Variants in DENND1A observed in about 807,000 individuals in gnomAD.
The protein encoded by DENND1A is DENN domain containing 1A.
A neutral mutation model predicts 113.7 loss-of-function variants in DENND1A; 51 were observed. The ratio of observed to expected loss-of-function variants is 0.45; its 90% CI spans 0.36 to 0.57. The LOEUF (loss-of-function observed/expected upper bound fraction) is 0.57, where lower values mean the gene tolerates loss of function less well. Among genes scored for constraint, DENND1A ranks in the 20% least tolerant of loss-of-function variants. The probability of loss-of-function intolerance (pLI) is 0.00; values close to 1 mark genes in which losing one functional copy is unlikely to be tolerated. For synonymous variants in DENND1A, 565 were observed against 570.8 expected, an observed-to-expected ratio of 0.99 and a Z score of 0.14; for missense variants, 1,258 against 1,395.9, an observed-to-expected ratio of 0.90 and a Z score of 1.57.
chr9:123,529,200 G>A (rs2055093435), intron 13 of DENND1A, among the ~76,000 whole-genome samples: 1 of 152,084 alleles, frequency 6.6e-6, no homozygotes, highest in Non-Finnish European at 1.5e-5. Flanking sequence ...TATTGCCCAA[G>A]CTGGGTGGTA....
At chr9:123,671,182 G>A in intron 7 of DENND1A, 109 bp downstream of exon 7, 2 of 1,247,486 alleles carry the variant, frequency 1.6e-6, no homozygotes, top group South Asian at 1.2e-5. Context: ...TTTGGGGGTA[G>A]GGTTAGGGGA....
chr9:123,651,503 G>A (rs970192272), intron 9 of DENND1A, among the ~76,000 whole-genome samples: 5 of 152,344 alleles, frequency 3.3e-5, no homozygotes, highest in East Asian at 1.9e-4. Context: ...AACAAGCACC[G>A]CCTGTTTGCA....
chr9:123,414,185 C>T (rs2044534085), intron 19 of DENND1A: 1 of 1,048,994 alleles, frequency 9.5e-7, no homozygotes, highest in African/African-American at 1.7e-5. Context: ...TTTGACCATT[C>T]CAAGCCTTAC....
chr9:123,586,062 ACAGT>A (rs58573968), intron 11 of DENND1A, among the ~76,000 whole-genome samples: 9,811 of 152,160 alleles, frequency 0.064, 465 homozygotes, highest in African/African-American at 0.13. Context: ...AAGGCTATGC[ACAGT>A]CAGTCACAGG....
intron 2 of DENND1A, among the ~76,000 whole-genome samples, chr9:123,818,519 TACACACACAC>T (rs1215014185): frequency 1.3e-3 from 151 of 112,294 alleles, no homozygotes; most frequent in African/African-American, 3.3e-3. Context: ...TACATACATA[TACACACACAC>T]ACACACACAC....
chr9:123,642,109 C>T (rs973605172), intron 9 of DENND1A, among the ~76,000 whole-genome samples: 1 of 152,230 alleles, frequency 6.6e-6, no homozygotes, highest in Admixed American at 6.5e-5. Context: ...TGTTGATACT[C>T]TGTATTACAG....
intron 2 of DENND1A, among the ~76,000 whole-genome samples, chr9:123,851,646 C>G (rs983852123): frequency 3.3e-5 from 5 of 152,098 alleles, no homozygotes; most frequent in African/African-American, 1.2e-4. Context: ...ACTAGAAAAC[C>G]AAAGTAGAAA....
intron 12 of DENND1A, among the ~76,000 whole-genome samples, chr9:123,568,292 C>A (rs535696623): frequency 2.6e-5 from 4 of 152,170 alleles, no homozygotes; most frequent in African/African-American, 9.7e-5. Context: ...TACTTGGCCC[C>A]TTTTCTTCAT....
chr9:123,655,160 C>G (rs1406836885), intron 8 of DENND1A, among the ~76,000 whole-genome samples: 2 of 152,196 alleles, frequency 1.3e-5, no homozygotes, highest in Non-Finnish European at 2.9e-5. Context: ...GGGAGACTTC[C>G]TCAATTCATT....
chr9:123,525,285 C>G (rs2054730694), intron 13 of DENND1A, among the ~76,000 whole-genome samples: 1 of 152,174 alleles, frequency 6.6e-6, no homozygotes, highest in African/African-American at 2.4e-5. Context: ...CTTTTAGGGC[C>G]TGCTATTAGG....
At chr9:123,733,651 A>T (rs1006988366) in intron 5 of DENND1A, among the ~76,000 whole-genome samples, 2 of 149,586 alleles carry the variant, frequency 1.3e-5, no homozygotes, top group Non-Finnish European at 3.0e-5. Flanking sequence ...CTTTTTATAG[A>T]ATCATATTCT....
chr9:123,582,537 C>T (rs376025121), intron 12 of DENND1A, among the ~76,000 whole-genome samples: 40 of 149,258 alleles, frequency 2.7e-4, no homozygotes, highest in South Asian at 1.9e-3. Context: ...GTAGCTGGGA[C>T]TACAGGCACA....
chr9:123,414,402 T>G (rs78194177), intron 19 of DENND1A: 1 of 1,434,710 alleles, frequency 7.0e-7, no homozygotes, highest in Non-Finnish European at 9.1e-7. Flanking sequence ...CTTAAAAAAA[T>G]GTCCACCCAG....
At chr9:123,778,380 C>G (rs1564251974) in intron 3 of DENND1A, among the ~76,000 whole-genome samples, 2 of 152,208 alleles carry the variant, frequency 1.3e-5, no homozygotes, top group East Asian at 3.8e-4. Flanking sequence ...ACTGTCAAAT[C>G]ATACAAGGCA....
chr9:123,725,428 T>C (rs2067631188), intron 5 of DENND1A, among the ~76,000 whole-genome samples: 1 of 152,222 alleles, frequency 6.6e-6, no homozygotes, highest in Non-Finnish European at 1.5e-5. Flanking sequence ...GAGTGTGATT[T>C]GGAAACATTT....
At chr9:123,756,668 GAC>G (rs1416165367) in intron 5 of DENND1A, among the ~76,000 whole-genome samples, 1 of 152,204 alleles carries the variant, frequency 6.6e-6, no homozygotes, top group African/African-American at 2.4e-5. Context: ...AGTCCAGATT[GAC>G]AGTTAGTGAG....
In DENND1A at chr9:123,786,049, C is replaced by T. The variant is rs548414410; in HGVS notation, c.132+6538G>A. On this transcript the variant is annotated intron_variant, in intron 3 of 23. Coordinates refer to ENST00000394215, the MANE Select transcript of DENND1A (RefSeq NM_001352964.2). ...TCAACATGATGAAACCCCATCTCTA[C>T]TAAAAACACAAAAATTAGCAGAGTA... 2.6e-5 allele frequency among the ~76,000 whole-genome samples: 4 copies of T among 152,092 alleles called. No individual in the cohort carries two copies. The East Asian group carries it at 7.7e-4, about 29-fold the overall frequency.
chr9:123,471,492 T>C (rs1380370123), intron 13 of DENND1A, among the ~76,000 whole-genome samples: 4 of 152,138 alleles, frequency 2.6e-5, no homozygotes, highest in Non-Finnish European at 5.9e-5. Flanking sequence ...TTTCAGTGCA[T>C]GTGACACGCG....
intron 13 of DENND1A, among the ~76,000 whole-genome samples, chr9:123,472,728 G>A (rs1319590239): frequency 2.0e-5 from 3 of 152,012 alleles, no homozygotes; most frequent in African/African-American, 4.8e-5. Context: ...TTGGGGAGAA[G>A]CCCCCCAAGG....
Sources: allele counts gnomAD v4.1 joint callset (sites outside exome capture counted in the v4.1 genomes callset), GRCh38; gene constraint gnomAD v4.1.1; transcripts MANE v1.5; gene names NCBI Gene and HGNC (gene_info 2026-07-23, HGNC 2026-07-21).